TP63: variants seen among roughly 807,000 people sequenced by gnomAD.
TP63 encodes the protein tumor protein p63.
In TP63, 17 loss-of-function variants were observed where a neutral mutation model predicts 82.8. The ratio of observed to expected loss-of-function variants is 0.21; its 90% CI spans 0.14 to 0.31. The LOEUF (loss-of-function observed/expected upper bound fraction) is 0.31. Ranked by LOEUF, TP63 falls within the 10% of genes least tolerant of loss-of-function variation. The pLI, the probability that TP63 is intolerant of heterozygous loss-of-function variation, is 1.00. For missense variants in TP63, 648 were observed against 895.3 expected, an observed-to-expected ratio of 0.72 and a Z score of 3.52; for synonymous variants, 330 against 321.7, an observed-to-expected ratio of 1.03 and a Z score of -0.28.
chr3:189,668,837 A>C (rs989687381), intron 1 of TP63, among the ~76,000 whole-genome samples: 1 of 152,100 alleles, frequency 6.6e-6, no homozygotes, highest in Non-Finnish European at 1.5e-5. Context: ...ACACAAGGAG[A>C]CCTTATCTCT....
chr3:189,827,148 A>G (rs2108688960), intron 4 of TP63, among the ~76,000 whole-genome samples: 1 of 152,356 alleles, frequency 6.6e-6, no homozygotes, highest in African/African-American at 2.4e-5. Context: ...ATATTAATAG[A>G]TAAGTTAGCC....
upstream of TP63, among the ~76,000 whole-genome samples, chr3:189,626,464 G>A (rs1560068882): frequency 6.6e-6 from 1 of 152,132 alleles, no homozygotes; most frequent in Non-Finnish European, 1.5e-5. Flanking sequence ...CTGACACAAA[G>A]GAATTCAGTT....
At chr3:189,699,589 A>G (rs1378697208) in intron 1 of TP63, among the ~76,000 whole-genome samples, 1 of 152,220 alleles carries the variant, frequency 6.6e-6, no homozygotes, top group Admixed American at 6.5e-5. Flanking sequence ...CAGAATGACT[A>G]AATACTAGGA....
At chr3:189,622,029 C>T in the TP63 span, among the ~76,000 whole-genome samples, 1 of 152,190 alleles carries the variant, frequency 6.6e-6, no homozygotes. Flanking sequence ...GTGGGGATTC[C>T]CCTGTAAAGA....
At chr3:189,620,226 C>G in the TP63 span, among the ~76,000 whole-genome samples, 8 of 150,202 alleles carry the variant, frequency 5.3e-5, no homozygotes, top group South Asian at 1.7e-3. Context: ...CAAAACTTAG[C>G]TGAGCATGGT....
chr3:189,809,986 T>C (rs1418422623), intron 4 of TP63, among the ~76,000 whole-genome samples: 1 of 152,216 alleles, frequency 6.6e-6, no homozygotes, highest in African/African-American at 2.4e-5. Context: ...AACCATTTTA[T>C]ATCAGGATCT....
chr3:189,657,045 T>A, intron 1 of TP63, among the ~76,000 whole-genome samples: 1 of 149,794 alleles, frequency 6.7e-6, no homozygotes. Context: ...ACAACAAGAA[T>A]CTCAAATGCA....
At chr3:189,846,772 TGC>T (rs1714941078) in intron 4 of TP63, among the ~76,000 whole-genome samples, 1 of 146,312 alleles carries the variant, frequency 6.8e-6, no homozygotes, top group Non-Finnish European at 1.5e-5. Flanking sequence ...CTGCAACCTC[TGC>T]CTCCTGGGTT....
intron 1 of TP63, among the ~76,000 whole-genome samples, chr3:189,737,517 A>C (rs987872217): frequency 6.6e-6 from 1 of 152,172 alleles, no homozygotes; most frequent in African/African-American, 2.4e-5. Context: ...ATAGAAGACA[A>C]GATTGTCTAG....
chr3:189,798,181 T>C (rs1219503900), intron 3 of TP63, among the ~76,000 whole-genome samples: 1 of 152,076 alleles, frequency 6.6e-6, no homozygotes, highest in Non-Finnish European at 1.5e-5. Context: ...ATATATGGTG[T>C]ATTGTATATA....
At chr3:189,679,280 T>G (rs2108688106) in intron 1 of TP63, among the ~76,000 whole-genome samples, 1 of 152,230 alleles carries the variant, frequency 6.6e-6, no homozygotes, top group South Asian at 2.1e-4. Context: ...CTCCACATCC[T>G]CACCAGCACT....
chr3:189,739,042 C>G, intron 3 of TP63: 2 of 508,380 alleles, frequency 3.9e-6, no homozygotes, highest in South Asian at 2.2e-5. Flanking sequence ...ATGTCAACCC[C>G]AATTTAGAAA....
In TP63 at chr3:189,866,915, C is replaced by T. The variant is rs71310840; in HGVS notation, c.882+118C>T. The T allele has an allele frequency of 2.1e-3, 1,708 of 832,536 alleles. 1 individual carries two copies. The highest frequency in any genetic ancestry group is 2.9e-3 in the Non-Finnish European group (1,448 of 496,312). 51.6% of individuals were successfully genotyped at this position (832,536 alleles called of 1,614,324 possible). ...CATCTATCACTGTCTTAGTTCTTGT[C>T]ATCAAATATATAATATTTTTGTATT... On this transcript the variant is annotated intron_variant, in intron 6 of 13. Coordinates refer to ENST00000264731, the MANE Select transcript of TP63 (RefSeq NM_003722.5).
intron 3 of TP63, among the ~76,000 whole-genome samples, chr3:189,762,938 G>T (rs1040522373): frequency 4.6e-5 from 7 of 152,116 alleles, no homozygotes; most frequent in African/African-American, 1.7e-4. Flanking sequence ...CAATAAATGG[G>T]CATCCATCAT....
At chr3:189,727,535 G>A (rs529322621) in intron 1 of TP63, among the ~76,000 whole-genome samples, 3 of 152,262 alleles carry the variant, frequency 2.0e-5, no homozygotes, top group South Asian at 4.1e-4. Flanking sequence ...CAACCATTAG[G>A]CCTTATAATT....
At chr3:189,707,712 T>A (rs1292483690) in intron 1 of TP63, among the ~76,000 whole-genome samples, 1 of 152,146 alleles carries the variant, frequency 6.6e-6, no homozygotes, top group East Asian at 1.9e-4. Flanking sequence ...AATACTAACA[T>A]CATAACCATT....
intron 13 of TP63, among the ~76,000 whole-genome samples, chr3:189,892,530 C>T (rs1721120011): frequency 6.6e-6 from 1 of 152,222 alleles, no homozygotes; most frequent in Admixed American, 6.5e-5. Context: ...TGGTGGCTCA[C>T]ACCTGTAATC....
At chr3:189,623,658 A>G in the TP63 span, among the ~76,000 whole-genome samples, 1 of 152,214 alleles carries the variant, frequency 6.6e-6, no homozygotes, top group Non-Finnish European at 1.5e-5. Flanking sequence ...TTCATGTTGA[A>G]TCCATTAATC....
chr3:189,614,641 G>T, the TP63 span, among the ~76,000 whole-genome samples: 2 of 152,032 alleles, frequency 1.3e-5, no homozygotes, highest in Admixed American at 6.5e-5. Flanking sequence ...TCATTATTTT[G>T]TATCTCTTGC....
Sources: allele counts gnomAD v4.1 joint callset (sites outside exome capture counted in the v4.1 genomes callset), GRCh38; gene constraint gnomAD v4.1.1; transcripts MANE v1.5; gene names NCBI Gene and HGNC (gene_info 2026-07-23, HGNC 2026-07-21).